The following IL1RAPL2 variants were observed in gnomAD, a reference collection of about 807,000 sequenced individuals.
The protein encoded by IL1RAPL2 is interleukin 1 receptor accessory protein like 2.
Under a neutral mutation model 44.1 loss-of-function variants are expected in IL1RAPL2, and 3 were observed. The observed-to-expected ratio is 0.07, with a 90% CI of 0.03 to 0.18. The LOEUF is 0.18. IL1RAPL2 is among the 10% of genes least tolerant of loss of function. The pLI is 1.00. For synonymous variants in IL1RAPL2, 181 were observed against 178.8 expected, an observed-to-expected ratio of 1.01 and a Z score of -0.10; for missense variants, 391 against 496.4, an observed-to-expected ratio of 0.79 and a Z score of 2.02.
intron 6 of IL1RAPL2, among the ~76,000 whole-genome samples, chrX:105,530,111 A>T (rs1411372708): frequency 1.8e-5 from 2 of 112,241 alleles, no homozygotes; most frequent in African/African-American, 6.5e-5. Flanking sequence ...CATATGGTAC[A>T]TATATATTTA....
chrX:105,005,852 C>T (rs185733456), intron 2 of IL1RAPL2, among the ~76,000 whole-genome samples: 9 of 110,902 alleles, frequency 8.1e-5, no homozygotes, highest in East Asian at 2.9e-4. Flanking sequence ...CCTATAGTTT[C>T]GTTCAGAAAT....
At chrX:105,287,622 AG>A (rs1481136544) in intron 5 of IL1RAPL2, among the ~76,000 whole-genome samples, 1 of 111,705 alleles carries the variant, frequency 9.0e-6, no homozygotes, top group East Asian at 2.8e-4. Context: ...AACTTGGACT[AG>A]GGTGGAAGTT....
At chrX:105,441,017 C>A (rs781715661) in intron 5 of IL1RAPL2, among the ~76,000 whole-genome samples, 1 of 112,052 alleles carries the variant, frequency 8.9e-6, no homozygotes, top group South Asian at 3.7e-4. Context: ...GTCCATTAAA[C>A]CTCTTTTTCT....
chrX:104,808,641 G>C (rs745975893), intron 2 of IL1RAPL2, among the ~76,000 whole-genome samples: 78 of 111,675 alleles, frequency 7.0e-4, no homozygotes, highest in African/African-American at 2.5e-3. Flanking sequence ...AATCTTGATA[G>C]TTATCAGGCT....
intron 2 of IL1RAPL2, among the ~76,000 whole-genome samples, chrX:104,837,813 C>A (rs940491179): frequency 6.3e-5 from 7 of 111,674 alleles, no homozygotes; most frequent in African/African-American, 1.6e-4. Context: ...ATACCTATGT[C>A]CTGAATGGTA....
chrX:105,677,492 T>A (rs1004798219), intron 6 of IL1RAPL2, among the ~76,000 whole-genome samples: 2 of 112,565 alleles, frequency 1.8e-5, no homozygotes, highest in African/African-American at 6.4e-5. Context: ...TGCATTAAGT[T>A]GCAGACAACT....
intron 2 of IL1RAPL2, among the ~76,000 whole-genome samples, chrX:104,847,438 G>A (rs1192699204): frequency 1.8e-5 from 2 of 111,219 alleles, no homozygotes; most frequent in Non-Finnish European, 3.8e-5. Flanking sequence ...AGCACCATTT[G>A]TTAAATAGGG....
At chrX:104,847,310 G>GT (rs1922081906) in intron 2 of IL1RAPL2, among the ~76,000 whole-genome samples, 1 of 111,761 alleles carries the variant, frequency 8.9e-6, no homozygotes, top group Non-Finnish European at 1.9e-5. Context: ...TTTCTCTAGG[G>GT]TTTTTATGGT....
chrX:105,019,359 C>T (rs917786723), intron 2 of IL1RAPL2, among the ~76,000 whole-genome samples: 3 of 111,402 alleles, frequency 2.7e-5, no homozygotes, highest in Non-Finnish European at 5.7e-5. Context: ...AAAATTGAAA[C>T]ACTAGCTCTA....
intron 1 of IL1RAPL2, among the ~76,000 whole-genome samples, chrX:104,577,787 T>A (rs1459267517): frequency 1.8e-5 from 2 of 110,857 alleles, no homozygotes; most frequent in Non-Finnish European, 3.8e-5. Context: ...GGGTCAGGAC[T>A]CATACAGAGT....
At chrX:105,180,362 AAAAAG>A (rs782301357) in intron 2 of IL1RAPL2, among the ~76,000 whole-genome samples, 1 of 111,219 alleles carries the variant, frequency 9.0e-6, no homozygotes, top group Non-Finnish European at 1.9e-5. Context: ...AAAACAAAAA[AAAAAG>A]AAAAGAAAAA....
At chrX:105,724,202 A>G (rs980689866) in intron 7 of IL1RAPL2, among the ~76,000 whole-genome samples, 9 of 109,274 alleles carry the variant, frequency 8.2e-5, no homozygotes, top group Admixed American at 2.9e-4. Context: ...GGAATAGAGG[A>G]CTTAAAACAA....
At chrX:104,941,620 T>C (rs1017187276) in intron 2 of IL1RAPL2, among the ~76,000 whole-genome samples, 1 of 111,727 alleles carries the variant, frequency 9.0e-6, no homozygotes, top group Non-Finnish European at 1.9e-5. Context: ...GACGGGTAGA[T>C]TGTAAAAATT....
At chrX:105,048,831 C>T (rs759824350) in intron 2 of IL1RAPL2, among the ~76,000 whole-genome samples, 9 of 112,088 alleles carry the variant, frequency 8.0e-5, no homozygotes, top group African/African-American at 2.9e-4. Context: ...TCCAATCCCT[C>T]AGTTGCACTA....
chrX:105,421,303 T>C (rs2035772500), intron 5 of IL1RAPL2, among the ~76,000 whole-genome samples: 1 of 111,506 alleles, frequency 9.0e-6, no homozygotes, highest in Admixed American at 9.6e-5. Flanking sequence ...CAATCAGATA[T>C]GCATTTGTCT....
intron 2 of IL1RAPL2, among the ~76,000 whole-genome samples, chrX:105,194,059 G>A (rs2033654707): frequency 8.9e-6 from 1 of 111,751 alleles, no homozygotes; most frequent in African/African-American, 3.3e-5. Flanking sequence ...CCCCAGAAAA[G>A]TATACCTGTG....
chrX:105,139,913 A>T (rs1248528888), intron 2 of IL1RAPL2, among the ~76,000 whole-genome samples: 1 of 112,033 alleles, frequency 8.9e-6, no homozygotes, highest in African/African-American at 3.2e-5. Context: ...CTTTTTATGA[A>T]CTAAACTCAC....
At chrX:104,809,503 T>C (rs1334299263) in intron 2 of IL1RAPL2, among the ~76,000 whole-genome samples, 1 of 111,074 alleles carries the variant, frequency 9.0e-6, no homozygotes, top group East Asian at 2.8e-4. Context: ...TTTCATGTGT[T>C]TTTTGGCTGC....
intron 6 of IL1RAPL2, among the ~76,000 whole-genome samples, chrX:105,548,948 G>A (rs866414626): frequency 2.7e-5 from 3 of 111,679 alleles, no homozygotes; most frequent in Non-Finnish European, 5.6e-5. Flanking sequence ...TTAACTGAGC[G>A]TCCTCTTTTG....
Sources: allele counts gnomAD v4.1 joint callset (sites outside exome capture counted in the v4.1 genomes callset), GRCh38; gene constraint gnomAD v4.1.1; transcripts MANE v1.5; gene names NCBI Gene and HGNC (gene_info 2026-07-23, HGNC 2026-07-21).